The following PDE10A variants were observed in gnomAD, a reference collection of about 807,000 sequenced individuals.
The protein encoded by PDE10A is cAMP and cAMP-inhibited cGMP 3',5'-cyclic phosphodiesterase 10A.
A neutral mutation model predicts 97.7 loss-of-function variants in PDE10A; 39 were observed. That is an observed-to-expected ratio of 0.40 (90% CI 0.31 to 0.52). PDE10A has a LOEUF of 0.52. Ranked by LOEUF, PDE10A falls within the 20% of genes least tolerant of loss-of-function variation. The probability of loss-of-function intolerance (pLI) is 0.56; values close to 1 mark genes in which losing one functional copy is unlikely to be tolerated. For synonymous variants in PDE10A, 371 were observed against 376.8 expected (o/e 0.98, Z 0.18); for missense variants, 731 against 1,047.8 (o/e 0.70, Z 4.17).
Position 165,418,982 on chromosome 6 carries a change from T to G in PDE10A, c.1654-205A>C, listed in dbSNP as rs1261779592. Among the ~76,000 whole-genome samples, 1 of 152,182 alleles carries G rather than the reference T, an allele frequency of 6.6e-6. No homozygotes were observed. Among genetic ancestry groups the G allele is most frequent in the African/African-American group, 2.4e-5 (1 of 41,444 alleles). The stretch of plus-strand genomic sequence containing the variant: ...ACTGTTACATGCTAATACTAACAGA[T>G]CCCAACAGAATACACAGCGGATATG... On this transcript the variant is annotated intron_variant, in intron 10 of 21. Transcript: ENST00000539869. The surrounding 1 kb of genome is among the most constrained non-coding windows in gnomAD (Gnocchi z 4.8).
At chr6:165,518,515 C>A (rs894432503) in intron 2 of PDE10A, among the ~76,000 whole-genome samples, 23 of 152,128 alleles carry the variant, frequency 1.5e-4, no homozygotes, top group Non-Finnish European at 1.5e-4. Flanking sequence ...GTCTGGCTTA[C>A]GGGATCAACC....
chr6:165,792,159 G>T (rs1270071242), intron 1 of PDE10A, among the ~76,000 whole-genome samples: 2 of 152,196 alleles, frequency 1.3e-5, no homozygotes, highest in African/African-American at 4.8e-5. Context: ...GGCCTGCAAT[G>T]TTCGCCCCTG....
At chr6:165,499,476 C>A (rs778885802) in intron 2 of PDE10A, among the ~76,000 whole-genome samples, 1 of 152,200 alleles carries the variant, frequency 6.6e-6, no homozygotes, top group East Asian at 1.9e-4. Context: ...TTCAGCAATG[C>A]GGCTCTTGTT....
At chr6:165,548,660 T>C (rs1354058639) in intron 1 of PDE10A, among the ~76,000 whole-genome samples, 1 of 152,200 alleles carries the variant, frequency 6.6e-6, no homozygotes, top group African/African-American at 2.4e-5. Flanking sequence ...TCAGCAGCAT[T>C]AGTGGCTCTT....
intron 2 of PDE10A, among the ~76,000 whole-genome samples, chr6:165,531,444 T>C (rs1211442757): frequency 6.6e-6 from 1 of 152,096 alleles, no homozygotes; most frequent in Non-Finnish European, 1.5e-5. Context: ...ACAATCTAAA[T>C]GACTAATGAT....
chr6:165,377,040 T>G (rs1784649624), intron 18 of PDE10A, among the ~76,000 whole-genome samples: 1 of 152,232 alleles, frequency 6.6e-6, no homozygotes, highest in Non-Finnish European at 1.5e-5. Flanking sequence ...AGATTATGAT[T>G]TGCTGAAGTC....
intron 2 of PDE10A, among the ~76,000 whole-genome samples, chr6:165,533,808 A>C (rs557826696): frequency 2.2e-4 from 34 of 151,542 alleles, no homozygotes; most frequent in Non-Finnish European, 3.8e-4. Context: ...TTTGTTTTTA[A>C]AAATCACTTC....
At chr6:165,768,987 TGAC>T (rs1228924825) in intron 1 of PDE10A, among the ~76,000 whole-genome samples, 2 of 152,252 alleles carry the variant, frequency 1.3e-5, no homozygotes, top group Non-Finnish European at 2.9e-5. Context: ...GAAGTTTTTA[TGAC>T]TAGTCTATAT....
chr6:165,891,952 T>G (rs1403605103), intron 1 of PDE10A, among the ~76,000 whole-genome samples: 1 of 58,588 alleles, frequency 1.7e-5, no homozygotes, highest in African/African-American at 6.2e-5. Flanking sequence ...ACCTTGGACT[T>G]TTTTTTTTTT....
intron 2 of PDE10A, among the ~76,000 whole-genome samples, chr6:165,534,707 T>C (rs1782976385): frequency 2.6e-5 from 4 of 152,124 alleles, no homozygotes; most frequent in Admixed American, 2.6e-4. Flanking sequence ...CATATGATCA[T>C]TTGAATAGAT....
intron 3 of PDE10A, among the ~76,000 whole-genome samples, chr6:165,460,851 G>A (rs1778281950): frequency 6.6e-6 from 1 of 152,054 alleles, no homozygotes; most frequent in African/African-American, 2.4e-5. Context: ...TATGTCCCTG[G>A]TATGGGACTA....
intron 1 of PDE10A, among the ~76,000 whole-genome samples, chr6:165,826,484 C>CGTCCCTCTGTCCGT (rs141620582): frequency 0.083 from 12,481 of 150,284 alleles, 577 homozygotes; most frequent in African/African-American, 0.12. Flanking sequence ...CCTGTCCCCA[C>CGTCCCTCTGTCCGT]GTCCCTCTGT....
chr6:165,883,922 G>A (rs1425830034), intron 1 of PDE10A, among the ~76,000 whole-genome samples: 2 of 152,204 alleles, frequency 1.3e-5, no homozygotes, highest in African/African-American at 4.8e-5. Flanking sequence ...CAGGGACTCA[G>A]CTTGGTGGTC....
intron 1 of PDE10A, chr6:165,949,855 T>C (rs1783896896): frequency 6.6e-6 from 1 of 152,208 alleles, no homozygotes; most frequent in Non-Finnish European, 1.5e-5. Context: ...TCTGTAGTTA[T>C]CGCATGAGTT....
At chr6:165,598,885 G>C (rs1041004231) in intron 1 of PDE10A, among the ~76,000 whole-genome samples, 4 of 152,154 alleles carry the variant, frequency 2.6e-5, no homozygotes, top group Non-Finnish European at 5.9e-5. Context: ...TGCAAGATGA[G>C]GGGACGGGGT....
intron 1 of PDE10A, among the ~76,000 whole-genome samples, chr6:165,737,950 G>A (rs1792620058): frequency 6.6e-6 from 1 of 152,184 alleles, no homozygotes; most frequent in African/African-American, 2.4e-5. Context: ...AACAGCTTCA[G>A]TAAAGTAGCA....
In PDE10A at chr6:165,588,492, T is replaced by C. The variant is rs567934979; in HGVS notation, c.866-44924A>G. Reference sequence around the variant, plus strand: ...TTTTAGTGGAGATGGGGTTTCACCATGTTGGTCAGGCTGGTCTCGAACTCC... The same window carrying C: ...TTTTAGTGGAGATGGGGTTTCACCACGTTGGTCAGGCTGGTCTCGAACTCC... On this transcript the variant is annotated intron_variant, in intron 1 of 21. Coordinates refer to ENST00000539869, the MANE Select transcript of PDE10A (RefSeq NM_001385079.1). Among the ~76,000 whole-genome samples, 41 of 152,092 alleles carry C rather than the reference T, an allele frequency of 2.7e-4. 1 individual carries two copies. The highest frequency in any genetic ancestry group is 9.2e-4 in the African/African-American group (38 of 41,458).
At chr6:165,834,559 G>C (rs537713076) in intron 1 of PDE10A, among the ~76,000 whole-genome samples, 3 of 152,338 alleles carry the variant, frequency 2.0e-5, no homozygotes, top group Non-Finnish European at 2.9e-5. Context: ...GGAAGGCACA[G>C]ATCTGGAATC....
chr6:165,526,739 T>C (rs1045663742), intron 2 of PDE10A, among the ~76,000 whole-genome samples: 2 of 152,134 alleles, frequency 1.3e-5, no homozygotes, highest in East Asian at 1.9e-4. Context: ...AATTAACACA[T>C]CTCCTGGTAC....
Sources: gnomAD v4.1 joint callset for allele counts (sites outside exome capture counted in the v4.1 genomes callset) on GRCh38, gnomAD v4.1.1 for gene constraint, Gnocchi (gnomAD v3.1) non-coding constraint, MANE v1.5 for transcripts, NCBI Gene and HGNC (gene_info 2026-07-23, HGNC 2026-07-21) for gene names.